The following CLDN16 variants were observed in gnomAD, a reference collection of about 807,000 sequenced individuals.
CLDN16 encodes the protein claudin-16.
A neutral mutation model predicts 24.6 loss-of-function variants in CLDN16; 13 were observed. That is an observed-to-expected ratio of 0.53 (90% CI 0.34 to 0.84). The LOEUF is 0.84. Among genes scored for constraint, CLDN16 ranks in the 40% least tolerant of loss-of-function variants. The pLI is 0.01. For synonymous variants in CLDN16, 116 were observed against 106.7 expected (o/e 1.09, Z -0.54); for missense variants, 298 against 292.7 (o/e 1.02, Z -0.13).
chr3:190,338,897 T>C (rs1717369152), intron 1 of CLDN16, among the ~76,000 whole-genome samples: 1 of 152,164 alleles, frequency 6.6e-6, no homozygotes, highest in African/African-American at 2.4e-5. Context: ...GGTACACTCA[T>C]ACCCCTGCAG....
chr3:190,339,663 C>A (rs1717385826), intron 1 of CLDN16, among the ~76,000 whole-genome samples: 1 of 152,184 alleles, frequency 6.6e-6, no homozygotes, highest in African/African-American at 2.4e-5. Flanking sequence ...TATGTCCTAA[C>A]CTCCTGCAAG....
Position 190,371,824 on chromosome 3 carries a change from T to C in CLDN16, n.230+823T>C, listed in dbSNP as rs140437974. Among the ~76,000 whole-genome samples the C allele has an allele frequency of 1.3e-3, 195 of 152,084 alleles. 2 individuals are homozygous for C. The highest frequency in any genetic ancestry group is 3.7e-3 in the African/African-American group (153 of 41,536). On this transcript the variant is annotated intron_variant and non_coding_transcript_variant, in intron 2 of 4. Transcript: ENST00000468220. ...AAGTCAGATGCTCAGTCTGCCAAAA[T>C]TTCTGCCATTTTCCTTGGTTATGTA...
the CLDN16 span, among the ~76,000 whole-genome samples, chr3:190,297,649 ATAT>A: frequency 6.3e-5 from 9 of 141,982 alleles, no homozygotes; most frequent in East Asian, 2.0e-4. Context: ...ATATATATCT[ATAT>A]TATATATCTA....
At chr3:190,386,085 A>C (rs1718490773), upstream of CLDN16, among the ~76,000 whole-genome samples, 3 of 152,172 alleles carry the variant, frequency 2.0e-5, 1 homozygote, top group South Asian at 6.2e-4. Context: ...AATGTCAGCA[A>C]CAAGTCCAGG....
intron 1 of CLDN16, among the ~76,000 whole-genome samples, chr3:190,352,445 C>T (rs1717689119): frequency 6.6e-6 from 1 of 152,076 alleles, no homozygotes; most frequent in East Asian, 1.9e-4. Context: ...CAGGTCATTT[C>T]TAGCTTTAGG....
intron 1 of CLDN16, among the ~76,000 whole-genome samples, chr3:190,325,959 T>A (rs925776506): frequency 4.6e-5 from 7 of 152,196 alleles, no homozygotes; most frequent in African/African-American, 1.7e-4. Context: ...TGCATTGCTG[T>A]GTGACTGACA....
chr3:190,293,310 G>A, the CLDN16 span, among the ~76,000 whole-genome samples: 5 of 152,140 alleles, frequency 3.3e-5, no homozygotes, highest in African/African-American at 4.8e-5. Flanking sequence ...CTCCCACCAC[G>A]TCCCTCCCTC....
At chr3:190,350,344 T>TATATATATA (rs1560085135) in intron 1 of CLDN16, among the ~76,000 whole-genome samples, 1,496 of 142,030 alleles carry the variant, frequency 0.011, 31 homozygotes, top group Middle Eastern at 0.031. Context: ...GTTCATAATG[T>TATATATATA]TATATATATA....
chr3:190,408,300 TC>T lies in CLDN16; in HGVS notation c.383-11del. ...ATGTCCCCTATTATTTGTAGCATCC[TC>T]CCTTTCTTTCAGGTACCCCAGGAAT... On this transcript the variant is annotated splice_polypyrimidine_tract_variant and intron_variant, in intron 3 of 4. Coordinates refer to ENST00000264734, the MANE Select transcript of CLDN16 (RefSeq NM_006580.4). The T allele has an allele frequency of 1.2e-6, 2 of 1,611,704 alleles. No individual in the cohort carries two copies. The highest frequency in any genetic ancestry group is 1.7e-6 in the Non-Finnish European group (2 of 1,177,748).
At chr3:190,303,666 AACTCAG>A in the CLDN16 span, among the ~76,000 whole-genome samples, 1 of 152,228 alleles carries the variant, frequency 6.6e-6, no homozygotes, top group Non-Finnish European at 1.5e-5. Context: ...TAAAGAGAAT[AACTCAG>A]ACTCCACTTT....
At chr3:190,371,041 A>T (rs1489890716) in intron 2 of CLDN16, 5 of 137,662 alleles carry the variant, frequency 3.6e-5, no homozygotes, top group South Asian at 2.3e-4. Context: ...TATATATATA[A>T]AATATATATG....
At chr3:190,307,230 A>C in the CLDN16 span, 1 of 152,506 alleles carries the variant, frequency 6.6e-6, no homozygotes, top group Admixed American at 6.5e-5. Context: ...AAAGTCTAGC[A>C]CTTTGTTCAG....
rs1033294124 is a variant in CLDN16 at position 190,411,312 on chromosome 3, G to A, written c.*1276G>A. 1 of 151,930 alleles carries A rather than the reference G, an allele frequency of 6.6e-6. No individual in the cohort carries two copies. The highest frequency in any genetic ancestry group is 1.5e-5 in the Non-Finnish European group (1 of 67,970). 9.4% of individuals were successfully genotyped at this position (151,930 alleles called of 1,614,324 possible). A position where few individuals can be genotyped will look rare whatever the true frequency, so the allele number is the denominator to read the frequency against. ...TATTCTTCATAAAATGTGGGTTTTG[G>A]GGAAAATATAGAATTACATATACAT... On this transcript the variant is annotated 3_prime_UTR_variant, in exon 5 of 5. Coordinates refer to ENST00000264734, the MANE Select transcript of CLDN16 (RefSeq NM_006580.4).
At chr3:190,318,294 T>G (rs181311186), upstream of CLDN16, among the ~76,000 whole-genome samples, 2 of 152,340 alleles carry the variant, frequency 1.3e-5, no homozygotes, top group African/African-American at 4.8e-5. Flanking sequence ...ATTAAGTTGA[T>G]GCTTCTATAT....
chr3:190,385,080 G>A (rs17504169), upstream of CLDN16, among the ~76,000 whole-genome samples: 14,981 of 152,092 alleles, frequency 0.098, 929 homozygotes, highest in Non-Finnish European at 0.14. Flanking sequence ...CAAGGACTAG[G>A]ATGAGTTCTT....
chr3:190,322,040 G>C, upstream of CLDN16: 1 of 1,614,206 alleles, frequency 6.2e-7, no homozygotes, highest in Non-Finnish European at 8.5e-7. Flanking sequence ...GGTGCTCTGC[G>C]ACACGCAGGA....
intron 1 of CLDN16, among the ~76,000 whole-genome samples, chr3:190,343,867 T>C (rs1481910165): frequency 2.0e-5 from 3 of 151,988 alleles, no homozygotes; most frequent in Non-Finnish European, 4.4e-5. Flanking sequence ...AGTAGCAACG[T>C]AGGATGAACA....
intron 3 of CLDN16, chr3:190,374,641 G>C (rs934706148): frequency 1.3e-5 from 2 of 151,762 alleles, no homozygotes; most frequent in African/African-American, 4.8e-5. Flanking sequence ...CCCACATCTA[G>C]ACATTAGCTT....
intron 1 of CLDN16, among the ~76,000 whole-genome samples, chr3:190,331,357 A>G (rs2108623189): frequency 6.6e-6 from 1 of 152,306 alleles, no homozygotes; most frequent in East Asian, 1.9e-4. Context: ...AGAACAGCCA[A>G]AGGCTTGTTT....
Sources: allele counts gnomAD v4.1 joint callset (sites outside exome capture counted in the v4.1 genomes callset), GRCh38; gene constraint gnomAD v4.1.1; transcripts MANE v1.5; gene names NCBI Gene and HGNC (gene_info 2026-07-23, HGNC 2026-07-21).